The following SCG5 variants were observed in gnomAD, a reference collection of about 807,000 sequenced individuals.
SCG5 encodes the protein secretogranin V, also known as neuroendocrine protein 7B2.
A neutral mutation model predicts 25.7 loss-of-function variants in SCG5; 18 were observed. The observed-to-expected ratio is 0.70, with a 90% CI of 0.48 to 1.04. The LOEUF is 1.04. Among genes scored for constraint, SCG5 ranks in the 50% least tolerant of loss-of-function variants. The pLI is 0.00. For synonymous variants in SCG5, 101 were observed against 91.7 expected (o/e 1.10, Z -0.58); for missense variants, 206 against 259.8 (o/e 0.79, Z 1.42).
rs535678710 is a variant in SCG5 at position 32,682,306 on chromosome 15, A to G, written c.377-2251A>G. Among the ~76,000 whole-genome samples the G allele has an allele frequency of 3.3e-5, 5 of 152,276 alleles. 1 individual carries two copies. The highest frequency in any genetic ancestry group is 1.2e-4 in the African/African-American group (5 of 41,552). On this transcript the variant is annotated intron_variant, in intron 3 of 5. Transcript: ENST00000300175. ...GCACACTGAACTTAGAGAATATTAT[A>G]GGAGAATGGAAAGAGGTCCAGAGTT... is the stretch of plus-strand genomic sequence containing the variant.
chr15:32,689,267 A>G (rs1379682618), intron 4 of SCG5, among the ~76,000 whole-genome samples: 1 of 152,124 alleles, frequency 6.6e-6, no homozygotes. Context: ...GCATATTATT[A>G]TGTATTCTGG....
At chr15:32,685,334 G>A (rs1324823512) in intron 4 of SCG5, among the ~76,000 whole-genome samples, 1 of 152,206 alleles carries the variant, frequency 6.6e-6, no homozygotes, top group Non-Finnish European at 1.5e-5. Flanking sequence ...TTATTTGCCA[G>A]CTTGATGAGG....
intron 4 of SCG5, among the ~76,000 whole-genome samples, chr15:32,688,199 C>T (rs2140595324): frequency 6.6e-6 from 1 of 152,324 alleles, no homozygotes; most frequent in South Asian, 2.1e-4. Flanking sequence ...CTACCGAGGG[C>T]TGGCTGCCTT....
At chr15:32,676,297 A>C (rs541653793) in intron 2 of SCG5, among the ~76,000 whole-genome samples, 3 of 152,322 alleles carry the variant, frequency 2.0e-5, no homozygotes, top group African/African-American at 7.2e-5. Flanking sequence ...CAAGTGCTGC[A>C]TTCATTTTAA....
At chr15:32,686,114 G>T (rs1195892307) in intron 4 of SCG5, among the ~76,000 whole-genome samples, 2 of 152,124 alleles carry the variant, frequency 1.3e-5, no homozygotes, top group African/African-American at 4.8e-5. Context: ...AGTTAATTTT[G>T]CTTCTTCCAA....
intron 2 of SCG5, among the ~76,000 whole-genome samples, chr15:32,678,319 T>C (rs76253060): frequency 0.012 from 1,868 of 152,260 alleles, 36 homozygotes; most frequent in African/African-American, 0.042. Flanking sequence ...GCCAAAGGCC[T>C]TGCATCTTTA....
intron 5 of SCG5, among the ~76,000 whole-genome samples, chr15:32,692,955 A>C (rs1408835254): frequency 6.6e-6 from 1 of 152,156 alleles, no homozygotes; most frequent in East Asian, 1.9e-4. Flanking sequence ...TTTTGAGGAG[A>C]GTTAACAGAG....
At chr15:32,674,901 A>G (rs2054504221) in intron 2 of SCG5, among the ~76,000 whole-genome samples, 1 of 152,238 alleles carries the variant, frequency 6.6e-6, no homozygotes, top group Non-Finnish European at 1.5e-5. Flanking sequence ...AGGCCAAGAA[A>G]GAGATTTAAG....
At chr15:32,665,151 A>G (rs2054297798) in intron 2 of SCG5, among the ~76,000 whole-genome samples, 1 of 152,196 alleles carries the variant, frequency 6.6e-6, no homozygotes, top group Non-Finnish European at 1.5e-5. Flanking sequence ...ACTGCCTTAG[A>G]AATGAATTAA....
chr15:32,672,710 C>A (rs1277178159), intron 2 of SCG5, among the ~76,000 whole-genome samples: 1 of 152,090 alleles, frequency 6.6e-6, no homozygotes, highest in Non-Finnish European at 1.5e-5. Context: ...CTCGTGGGGG[C>A]TCTCTCAGTG....
rs2054249437 is a variant in SCG5, at chr15:32,663,032, A to AT, written c.227-16734_227-16733insT. Among the ~76,000 whole-genome samples the AT allele has an allele frequency of 2.0e-4, 16 of 79,294 alleles. 3 individuals carry two copies. In the East Asian group the frequency reaches 7.0e-3, roughly 35 times the overall value. The allele number at this position is 79,294 out of a possible 152,430, so 52.0% of individuals were successfully genotyped here. A position where few individuals can be genotyped will look rare whatever the true frequency, so the allele number is the denominator to read the frequency against. On this transcript the variant is annotated intron_variant, in intron 2 of 5. Transcript: ENST00000300175. ...AAGATTAGGGCTGTTAAAAAAAAAG[A>AT]ATATATATATATATATATATATATA...
intron 5 of SCG5, among the ~76,000 whole-genome samples, chr15:32,694,234 A>G (rs68050511): frequency 1.3e-5 from 2 of 152,044 alleles, no homozygotes; most frequent in African/African-American, 2.4e-5. Flanking sequence ...TTACCTCCTC[A>G]TTAATTTTTC....
At chr15:32,677,445 G>GA (rs1340610814) in intron 2 of SCG5, 1 of 152,190 alleles carries the variant, frequency 6.6e-6, no homozygotes, top group African/African-American at 2.4e-5. Context: ...TCCAATGGGG[G>GA]AAAAAAGTGT....
At position 32,678,798 on chromosome 15, in the gene SCG5, G is replaced by C. The variant is rs553357610; in HGVS notation, c.227-968G>C. On this transcript the variant is annotated intron_variant, in intron 2 of 5. Transcript: ENST00000300175. ...ATAGGGGATTGGTTAATATGTTGTA[G>C]TACAGCCATTGGACTAAAAACTACA... Among the ~76,000 whole-genome samples the C allele has an allele frequency of 5.3e-5, 8 of 152,272 alleles. No individual in the cohort carries two copies. In the South Asian group the frequency reaches 1.7e-3, roughly 32 times the overall value.
At chr15:32,685,008 AT>A (rs567491298) in intron 4 of SCG5, among the ~76,000 whole-genome samples, 4 of 152,096 alleles carry the variant, frequency 2.6e-5, no homozygotes, top group Non-Finnish European at 4.4e-5. Context: ...AAAGGATATG[AT>A]TTTTTTTAAT....
At chr15:32,648,221 G>C (rs1048879526) in intron 2 of SCG5, among the ~76,000 whole-genome samples, 1 of 152,060 alleles carries the variant, frequency 6.6e-6, no homozygotes, top group Non-Finnish European at 1.5e-5. Context: ...TCAATTTTAA[G>C]TAATTTATTT....
chr15:32,691,489 G>A (rs577795057), intron 4 of SCG5, among the ~76,000 whole-genome samples: 1 of 152,348 alleles, frequency 6.6e-6, no homozygotes, highest in Admixed American at 6.5e-5. Context: ...ACACTGGTGT[G>A]CCTCAGGGCA....
chr15:32,641,901 G>GT (rs2053867705), intron 1 of SCG5, 123 bp downstream of exon 1: 1 of 152,282 alleles, frequency 6.6e-6, no homozygotes, highest in Admixed American at 6.5e-5. Context: ...CGAAGGATGC[G>GT]TAGGGGATTA....
chr15:32,672,240 G>A (rs1595807483), intron 2 of SCG5, among the ~76,000 whole-genome samples: 1 of 152,198 alleles, frequency 6.6e-6, no homozygotes, highest in Non-Finnish European at 1.5e-5. Flanking sequence ...CCCTTTTTAC[G>A]AGGTGGGCGA....
Sources: allele counts gnomAD v4.1 joint callset (sites outside exome capture counted in the v4.1 genomes callset), GRCh38; gene constraint gnomAD v4.1.1; transcripts MANE v1.5; gene names NCBI Gene and HGNC (gene_info 2026-07-23, HGNC 2026-07-21).